The following PARP15 variants were observed in gnomAD, a reference collection of about 807,000 sequenced individuals.
The protein encoded by PARP15 is poly(ADP-ribose) polymerase family member 15.
A neutral mutation model predicts 62.1 loss-of-function variants in PARP15; 50 were observed. That is an observed-to-expected ratio of 0.81 (90% CI 0.64 to 1.02). PARP15 has a LOEUF of 1.02. PARP15 is among the 50% of genes least tolerant of loss of function. The probability of loss-of-function intolerance (pLI) is 0.00; values close to 1 mark genes in which losing one functional copy is unlikely to be tolerated. For synonymous variants in PARP15, 309 were observed against 293.1 expected (o/e 1.05, Z -0.55); for missense variants, 820 against 826.5 (o/e 0.99, Z 0.10).
chr3:122,584,588 T>TTTTTTTC (rs1301853534), intron 1 of PARP15, among the ~76,000 whole-genome samples: 1 of 141,776 alleles, frequency 7.1e-6, no homozygotes, highest in African/African-American at 2.7e-5. Flanking sequence ...TTTTTTTTTT[T>TTTTTTTC]CCGAGATGGA....
chr3:122,621,852 G>A (rs1180302928), intron 8 of PARP15, among the ~76,000 whole-genome samples: 1 of 152,154 alleles, frequency 6.6e-6, no homozygotes, highest in Non-Finnish European at 1.5e-5. Flanking sequence ...AGGCTGGAGT[G>A]CAGTGGTGTA....
intron 8 of PARP15, among the ~76,000 whole-genome samples, chr3:122,622,122 C>G (rs1216762364): frequency 6.6e-6 from 1 of 152,198 alleles, no homozygotes; most frequent in African/African-American, 2.4e-5. Flanking sequence ...TTTATGTTCC[C>G]TAAGTATCTT....
At chr3:122,630,383 C>T (rs1179737870) in intron 9 of PARP15, among the ~76,000 whole-genome samples, 9 of 152,146 alleles carry the variant, frequency 5.9e-5, no homozygotes, top group Non-Finnish European at 1.3e-4. Flanking sequence ...TGCTTTATTC[C>T]TTATTAATAT....
chr3:122,613,583 G>A (rs1935727903), intron 4 of PARP15, among the ~76,000 whole-genome samples: 1 of 152,162 alleles, frequency 6.6e-6, no homozygotes, highest in Non-Finnish European at 1.5e-5. Flanking sequence ...TATGGGGAAA[G>A]GGCAGAATGA....
chr3:122,627,541 C>G (rs1322760295), intron 9 of PARP15, among the ~76,000 whole-genome samples: 1 of 152,224 alleles, frequency 6.6e-6, no homozygotes, highest in Non-Finnish European at 1.5e-5. Flanking sequence ...TGTGTTTATA[C>G]TTTAAGTACT....
chr3:122,631,079 T>C (rs1937035980), intron 9 of PARP15, among the ~76,000 whole-genome samples: 1 of 152,202 alleles, frequency 6.6e-6, no homozygotes, highest in African/African-American at 2.4e-5. Flanking sequence ...TTCCCAGGCT[T>C]GCCTGCTGTA....
chr3:122,595,178 T>C (rs963631247), intron 1 of PARP15, among the ~76,000 whole-genome samples: 2 of 152,150 alleles, frequency 1.3e-5, no homozygotes, highest in Non-Finnish European at 1.5e-5. Flanking sequence ...TGTTTTTTTT[T>C]TCGCAGTAAC....
At position 122,637,390 on chromosome 3, in the gene PARP15, T is replaced by C. The variant is rs1383662003; in HGVS notation, c.*1290T>C. On this transcript the variant is annotated 3_prime_UTR_variant, in exon 12 of 12. Coordinates refer to ENST00000464300, the MANE Select transcript of PARP15 (RefSeq NM_001113523.3). ...GTTGAAATCAGTTCCTCTGTGTCTA[T>C]TACCTGCTGATCACTGTCCAGACTT... is the stretch of plus-strand genomic sequence containing the variant. The C allele has an allele frequency of 6.6e-6, 1 of 152,170 alleles. No homozygotes were observed. The highest frequency in any genetic ancestry group is 1.5e-5 in the Non-Finnish European group (1 of 68,048). The allele number at this position is 152,170 out of a possible 1,614,324, so 9.4% of individuals were successfully genotyped here.
chr3:122,595,228 A>G (rs969068585), intron 1 of PARP15, among the ~76,000 whole-genome samples: 1 of 151,988 alleles, frequency 6.6e-6, no homozygotes, highest in African/African-American at 2.4e-5. Flanking sequence ...CCACATAGCT[A>G]CTACTTCATT....
At chr3:122,597,354 T>A (rs1186234504) in intron 1 of PARP15, among the ~76,000 whole-genome samples, 2 of 152,160 alleles carry the variant, frequency 1.3e-5, no homozygotes, top group Non-Finnish European at 2.9e-5. Context: ...GTGGTTTTTT[T>A]TTTCTTTTTT....
At chr3:122,623,837 A>G (rs1369391016) in intron 8 of PARP15, among the ~76,000 whole-genome samples, 1 of 152,184 alleles carries the variant, frequency 6.6e-6, no homozygotes, top group Non-Finnish European at 1.5e-5. Context: ...ATTGATTTCA[A>G]CGGACATTTT....
intron 1 of PARP15, chr3:122,594,465 A>G: frequency 1.3e-6 from 1 of 765,400 alleles, no homozygotes; most frequent in Non-Finnish European, 1.6e-6. Flanking sequence ...GTCCTTGATT[A>G]CACTTGGAGA....
intron 1 of PARP15, among the ~76,000 whole-genome samples, chr3:122,604,664 C>G (rs918434024): frequency 1.3e-5 from 2 of 151,176 alleles, no homozygotes; most frequent in African/African-American, 4.9e-5. Flanking sequence ...ACCAGCCTGG[C>G]CAACAATTAA....
chr3:122,619,833 T>C lies in PARP15; in HGVS notation c.1053T>C (p.Cys351=), dbSNP rs540672606. The C allele has an allele frequency of 1.2e-6, 2 of 1,613,196 alleles. No individual in the cohort carries two copies. Among genetic ancestry groups the C allele is most frequent in the East Asian group, 4.5e-5 (2 of 44,874 alleles). The change falls in exon 7 of 12, where the codon TGT becomes TGC. Residue 351 remains cysteine, a synonymous_variant. Transcript: ENST00000464300. Reference sequence around the variant, plus strand: ...CTGGACAAGCTGTGGAAAGTGAATGTGCTGTACTAGGTATGGGCACATGTT... The same window carrying C: ...CTGGACAAGCTGTGGAAAGTGAATGCGCTGTACTAGGTATGGGCACATGTT... ...EGAGQAVESE[C]AVLAAQPHRD...
intron 2 of PARP15, among the ~76,000 whole-genome samples, chr3:122,609,283 A>G (rs912171162): frequency 1.3e-5 from 2 of 152,220 alleles, no homozygotes; most frequent in Non-Finnish European, 2.9e-5. Flanking sequence ...GCTAACTAAC[A>G]TTATATAAGT....
chr3:122,583,286 GT>G (rs34906406), intron 1 of PARP15, among the ~76,000 whole-genome samples: 133,353 of 143,900 alleles, frequency 0.93, 61,899 homozygotes, highest in Non-Finnish European at 0.96. Context: ...TGCCTGGCTA[GT>G]TTTTTTTTTT....
At chr3:122,604,676 AAG>A (rs1467854008) in intron 1 of PARP15, among the ~76,000 whole-genome samples, 2 of 151,982 alleles carry the variant, frequency 1.3e-5, no homozygotes, top group Non-Finnish European at 2.9e-5. Context: ...AACAATTAAA[AAG>A]ATAATTTTTG....
chr3:122,610,360 GA>G, intron 2 of PARP15, 133 bp from the exon 3 acceptor site: 1 of 762,452 alleles, frequency 1.3e-6, no homozygotes, highest in South Asian at 1.9e-5. Context: ...TAAGCTCCTT[GA>G]GGGTGGGGCT....
chr3:122,577,863 G>C lies in PARP15; in HGVS notation c.186+10G>C. 1 of 1,537,322 alleles carries C rather than the reference G, an allele frequency of 6.5e-7. No homozygotes were observed. The highest frequency in any genetic ancestry group is 8.8e-7 in the Non-Finnish European group (1 of 1,138,798). ...TTCCTCCCGGAGTATGGTGAGGAGCGCGGGGGACGGGTGCGGGAAGGGGAC... is the reference window on the plus strand; with the variant it reads ...TTCCTCCCGGAGTATGGTGAGGAGCCCGGGGGACGGGTGCGGGAAGGGGAC... On this transcript the variant is annotated intron_variant, in intron 1 of 11. Coordinates refer to ENST00000464300, the MANE Select transcript of PARP15 (RefSeq NM_001113523.3).
Sources: allele counts gnomAD v4.1 joint callset (sites outside exome capture counted in the v4.1 genomes callset), GRCh38; gene constraint gnomAD v4.1.1; transcripts MANE v1.5; gene names NCBI Gene and HGNC (gene_info 2026-07-23, HGNC 2026-07-21).